ADAMTSL3: variants seen among roughly 807,000 people sequenced by gnomAD.
ADAMTSL3 encodes the protein ADAMTS like 3, also known as ADAMTS-like protein 3.
A neutral mutation model predicts 201.7 loss-of-function variants in ADAMTSL3; 128 were observed. The observed-to-expected ratio is 0.63, with a 90% confidence interval of 0.55 to 0.73. The LOEUF (loss-of-function observed/expected upper bound fraction) is 0.73. Ranked by LOEUF, ADAMTSL3 falls within the 30% of genes least tolerant of loss-of-function variation. The pLI, the probability that ADAMTSL3 is intolerant of heterozygous loss-of-function variation, is 0.00. For missense variants in ADAMTSL3, 1,990 were observed against 2,119.6 expected, an observed-to-expected ratio of 0.94 and a Z score of 1.20; for synonymous variants, 738 against 748.4, an observed-to-expected ratio of 0.99 and a Z score of 0.23.
intron 7 of ADAMTSL3, among the ~76,000 whole-genome samples, chr15:83,842,188 T>C (rs1247401558): frequency 6.6e-6 from 1 of 150,842 alleles, no homozygotes; most frequent in African/African-American, 2.4e-5. Context: ...CAAAGGTTTA[T>C]TGAATGGTGG....
chr15:83,663,179 T>A (rs975384398), intron 2 of ADAMTSL3, among the ~76,000 whole-genome samples: 2 of 152,200 alleles, frequency 1.3e-5, no homozygotes, highest in South Asian at 2.1e-4. Flanking sequence ...CTCTCTGTCC[T>A]GCCAACTCCC....
chr15:84,017,519 C>T (rs542375830), intron 25 of ADAMTSL3, among the ~76,000 whole-genome samples: 1 of 152,296 alleles, frequency 6.6e-6, no homozygotes, highest in South Asian at 2.1e-4. Context: ...CTCTCATTTG[C>T]ATAATGTATC....
intron 17 of ADAMTSL3, among the ~76,000 whole-genome samples, chr15:83,938,858 G>A (rs368532439): frequency 1.3e-5 from 2 of 152,044 alleles, no homozygotes; most frequent in African/African-American, 2.4e-5. Flanking sequence ...TCTTTAACTG[G>A]TATTGCTATT....
At chr15:83,939,930 C>T (rs546127674) in intron 17 of ADAMTSL3, among the ~76,000 whole-genome samples, 70 of 152,210 alleles carry the variant, frequency 4.6e-4, no homozygotes, top group African/African-American at 1.6e-3. Context: ...CCAGGACCAA[C>T]TTTTTGTTTC....
chr15:83,737,354 G>A (rs1356167385), intron 3 of ADAMTSL3, among the ~76,000 whole-genome samples: 2 of 152,154 alleles, frequency 1.3e-5, no homozygotes, highest in African/African-American at 4.8e-5. Context: ...GTAATCCCCA[G>A]CTGTCGAAGG....
intron 2 of ADAMTSL3, among the ~76,000 whole-genome samples, chr15:83,684,638 A>G (rs1217125578): frequency 6.6e-6 from 1 of 152,210 alleles, no homozygotes; most frequent in Non-Finnish European, 1.5e-5. Flanking sequence ...AGTATTCTGT[A>G]ACGTGCTTCA....
intron 3 of ADAMTSL3, among the ~76,000 whole-genome samples, chr15:83,727,431 G>A (rs746585895): frequency 1.7e-4 from 26 of 151,344 alleles, no homozygotes; most frequent in Non-Finnish European, 3.7e-4. Context: ...GCTAATTTTG[G>A]ATTTTGTTTT....
intron 3 of ADAMTSL3, among the ~76,000 whole-genome samples, chr15:83,766,338 G>C (rs1321071253): frequency 2.6e-5 from 4 of 152,132 alleles, no homozygotes; most frequent in African/African-American, 9.7e-5. Context: ...GCAAGCTCTT[G>C]GTATAGTTTG....
chr15:83,934,050 C>T (rs2066415075), intron 17 of ADAMTSL3, among the ~76,000 whole-genome samples: 2 of 152,214 alleles, frequency 1.3e-5, no homozygotes, highest in South Asian at 4.1e-4. Flanking sequence ...CACTGGGACA[C>T]TGCCTAGTGG....
At chr15:83,827,677 T>A (rs564647185) in intron 6 of ADAMTSL3, among the ~76,000 whole-genome samples, 73 of 152,348 alleles carry the variant, frequency 4.8e-4, no homozygotes, top group African/African-American at 1.7e-3. Flanking sequence ...CCATCTTGAA[T>A]TAATTTTTGT....
intron 19 of ADAMTSL3, among the ~76,000 whole-genome samples, chr15:83,947,578 A>C (rs1345236246): frequency 6.6e-6 from 1 of 152,186 alleles, no homozygotes; most frequent in East Asian, 1.9e-4. Context: ...CTCTTGGCTG[A>C]AATAGCCTCC....
intron 3 of ADAMTSL3, among the ~76,000 whole-genome samples, chr15:83,720,126 G>A (rs984901247): frequency 3.3e-5 from 5 of 152,166 alleles, no homozygotes; most frequent in African/African-American, 1.2e-4. Flanking sequence ...GGCTTAGGCA[G>A]GAGAATCACT....
Position 83,824,420 on chromosome 15 carries a change from C to T in ADAMTSL3, c.600+4373C>T, listed in dbSNP as rs567594862. Among the ~76,000 whole-genome samples, 8 of 152,312 alleles carry T rather than the reference C, an allele frequency of 5.3e-5. No homozygotes were observed. The East Asian group carries it at 1.5e-3, about 29-fold the overall frequency. On this transcript the variant is annotated intron_variant, in intron 6 of 29. Transcript: ENST00000286744. Reference sequence around the variant, plus strand: ...TTCCTTAAACGCACAGCCTCCCCTACTATCAACATTCCCCACTAAAGTGAT... The same window carrying T: ...TTCCTTAAACGCACAGCCTCCCCTATTATCAACATTCCCCACTAAAGTGAT...
intron 2 of ADAMTSL3, among the ~76,000 whole-genome samples, chr15:83,656,714 G>T (rs1489841391): frequency 6.6e-6 from 1 of 152,166 alleles, no homozygotes; most frequent in Non-Finnish European, 1.5e-5. Context: ...TTAGAACAAG[G>T]CAATCCCTCC....
chr15:83,693,806 C>T (rs1167154632), intron 2 of ADAMTSL3, among the ~76,000 whole-genome samples: 1 of 152,144 alleles, frequency 6.6e-6, no homozygotes, highest in Non-Finnish European at 1.5e-5. Flanking sequence ...CTGTTGAACT[C>T]TCAGTAGCAA....
At position 83,892,633 on chromosome 15, in the gene ADAMTSL3, C is replaced by G. The variant is rs2065531293; in HGVS notation, c.1263-51C>G. ...TACTTTTTGCCACCATCTTTGCAAACTTCAAACAAACAACAAATAAATAAT... is the reference window on the plus strand; with the variant it reads ...TACTTTTTGCCACCATCTTTGCAAAGTTCAAACAAACAACAAATAAATAAT... On this transcript the variant is annotated intron_variant, in intron 12 of 29. Coordinates refer to ENST00000286744, the MANE Select transcript of ADAMTSL3 (RefSeq NM_207517.3). The G allele has an allele frequency of 4.5e-6, 7 of 1,543,872 alleles. No homozygotes were observed. In the South Asian group the frequency reaches 8.4e-5, roughly 19 times the overall value.
chr15:84,004,337 G>A (rs573301537), intron 23 of ADAMTSL3, among the ~76,000 whole-genome samples: 2 of 152,230 alleles, frequency 1.3e-5, no homozygotes, highest in South Asian at 4.2e-4. Flanking sequence ...TTAAAGCTTC[G>A]CCAGAAGATT....
In ADAMTSL3 at chr15:83,885,189, C is replaced by T. The variant is rs781051016; in HGVS notation, c.1049C>T (p.Pro350Leu). ...SHQWRQTDFF[P>L]CTVTCGGGYQ... Reference sequence around the variant, plus strand: ...CAGTGGAGACAAACTGACTTCTTTCCCTGCACTGTGACGTGTGGAGGAGGT... The same window carrying T: ...CAGTGGAGACAAACTGACTTCTTTCTCTGCACTGTGACGTGTGGAGGAGGT... Residue 350 changes from proline to leucine, a missense_variant, in exon 10 of 30, where the codon CCC becomes CTC. Physicochemically the swap from Pro to Leu is moderately conservative, Grantham distance 98. Transcript: ENST00000286744. 6 of 1,613,770 alleles carry T rather than the reference C, an allele frequency of 3.7e-6. No homozygotes were observed. In the Middle Eastern group the frequency reaches 6.6e-4, roughly 178 times the overall value.
intron 6 of ADAMTSL3, among the ~76,000 whole-genome samples, chr15:83,823,963 TCTTCTTCTTCTC>T (rs1215078267): frequency 0.011 from 672 of 62,576 alleles, 5 homozygotes; most frequent in Admixed American, 0.032. Context: ...TTCTTCTTCT[TCTTCTTCTTCTC>T]CTCCTCCTCC....
Sources: gnomAD v4.1 joint callset for allele counts (sites outside exome capture counted in the v4.1 genomes callset) on GRCh38, gnomAD v4.1.1 for gene constraint, MANE v1.5 for transcripts, NCBI Gene and HGNC (gene_info 2026-07-23, HGNC 2026-07-21) for gene names.